Variants in CD47 observed in about 807,000 individuals in gnomAD.
The protein encoded by CD47 is CD47 molecule.
CD47 carries 11 observed loss-of-function variants against 44.6 expected under a neutral mutation model. The observed-to-expected ratio is 0.25, with a 90% CI of 0.16 to 0.41. The LOEUF (loss-of-function observed/expected upper bound fraction) is 0.41. CD47 is among the 10% of genes least tolerant of loss of function. The probability of loss-of-function intolerance (pLI) is 1.00; values close to 1 mark genes in which losing one functional copy is unlikely to be tolerated. For missense variants in CD47, 306 were observed against 386.7 expected, an observed-to-expected ratio of 0.79 and a Z score of 1.75; for synonymous variants, 140 against 136.3, an observed-to-expected ratio of 1.03 and a Z score of -0.19.
chr3:108,077,926 A>G (rs903342611), intron 2 of CD47, among the ~76,000 whole-genome samples: 2 of 152,098 alleles, frequency 1.3e-5, no homozygotes, highest in Non-Finnish European at 2.9e-5. Context: ...ATGACTAGTA[A>G]GAATAAGCAT....
chr3:108,089,733 C>T lies in CD47; in HGVS notation c.46+1130G>A, dbSNP rs775686316. On this transcript the variant is annotated intron_variant, in intron 1 of 10. Transcript: ENST00000361309. Reference sequence around the variant, plus strand: ...GAGACTTAAGGGCATCTTGGAAATACCTAAAGTCACAAGCCTTTAGGAACG... The same window carrying T: ...GAGACTTAAGGGCATCTTGGAAATATCTAAAGTCACAAGCCTTTAGGAACG... Among the ~76,000 whole-genome samples, 25 of 152,184 alleles carry T rather than the reference C, an allele frequency of 1.6e-4. No individual in the cohort carries two copies. The Middle Eastern group carries it at 0.014, about 83-fold the overall frequency.
intron 7 of CD47, chr3:108,055,421 G>A: frequency 1.6e-6 from 1 of 633,042 alleles, no homozygotes; most frequent in South Asian, 1.8e-5. Flanking sequence ...CAACCTTAAT[G>A]TTACATAGAT....
intron 1 of CD47, among the ~76,000 whole-genome samples, chr3:108,083,008 T>C (rs2079446586): frequency 6.6e-6 from 1 of 151,888 alleles, no homozygotes; most frequent in Non-Finnish European, 1.5e-5. Flanking sequence ...TGATTTGGGG[T>C]TTTTTCCTTT....
At chr3:108,086,185 T>C (rs1233190881) in intron 1 of CD47, among the ~76,000 whole-genome samples, 2 of 151,920 alleles carry the variant, frequency 1.3e-5, no homozygotes, top group Admixed American at 6.6e-5. Context: ...CTAAAGGGCT[T>C]CCTTGAATGT....
intron 2 of CD47, among the ~76,000 whole-genome samples, chr3:108,078,392 T>C (rs1213567643): frequency 6.6e-6 from 1 of 152,034 alleles, no homozygotes; most frequent in East Asian, 1.9e-4. Flanking sequence ...CATCTTCATT[T>C]CATCTTCTGG....
At chr3:108,078,146 A>G (rs1383805004) in intron 2 of CD47, among the ~76,000 whole-genome samples, 6 of 152,108 alleles carry the variant, frequency 3.9e-5, no homozygotes, top group Non-Finnish European at 8.8e-5. Context: ...ATCGTCCTGT[A>G]AATCAATAAT....
At chr3:108,064,686 G>A (rs1160598201) in intron 3 of CD47, among the ~76,000 whole-genome samples, 1 of 152,122 alleles carries the variant, frequency 6.6e-6, no homozygotes, top group Non-Finnish European at 1.5e-5. Context: ...CCTGCCCAAA[G>A]ACATGACATT....
At chr3:108,090,688 G>A (rs1330706874) in intron 1 of CD47, among the ~76,000 whole-genome samples, 175 bp downstream of exon 1, 6 of 152,080 alleles carry the variant, frequency 3.9e-5, no homozygotes, top group South Asian at 2.1e-4. Context: ...AAGAAGGGGG[G>A]CGCCCGATTC....
Position 108,060,136 on chromosome 3 carries a change from C to T in CD47, c.599-592G>A, listed in dbSNP as rs549706041. Reference sequence around the variant, plus strand: ...AGACTTGGTTCCCACATTCATTCTACTTTCATGTCTTGGCCAATGAAGTTT... The same window carrying T: ...AGACTTGGTTCCCACATTCATTCTATTTTCATGTCTTGGCCAATGAAGTTT... On this transcript the variant is annotated intron_variant, in intron 4 of 10. Coordinates refer to ENST00000361309, the MANE Select transcript of CD47 (RefSeq NM_001777.4). Among the ~76,000 whole-genome samples, 11 of 152,358 alleles carry T rather than the reference C, an allele frequency of 7.2e-5. No individual in the cohort carries two copies. In the South Asian group the frequency reaches 1.9e-3, roughly 26 times the overall value.
chr3:108,068,756 A>C (rs546700016), intron 3 of CD47, among the ~76,000 whole-genome samples: 1 of 152,336 alleles, frequency 6.6e-6, no homozygotes, highest in East Asian at 1.9e-4. Context: ...TACTTTGCAC[A>C]GAACCTGTCA....
At chr3:108,068,674 A>T (rs2079145592) in intron 3 of CD47, among the ~76,000 whole-genome samples, 1 of 152,178 alleles carries the variant, frequency 6.6e-6, no homozygotes, top group Admixed American at 6.6e-5. Context: ...TCTTATCTAC[A>T]AAACGGGAAT....
intron 2 of CD47, among the ~76,000 whole-genome samples, chr3:108,079,567 TAAAAAAAAAAAAAAAA>T (rs71629342): frequency 3.8e-5 from 2 of 53,102 alleles, no homozygotes; most frequent in Non-Finnish European, 6.3e-5. Flanking sequence ...AGTGTAAGGT[TAAAAAAAAAAAAAAAA>T]AAAAAAAAAA....
Position 108,061,069 on chromosome 3 carries a change from C to T in CD47, c.491-217G>A, listed in dbSNP as rs531165695. On this transcript the variant is annotated intron_variant, in intron 3 of 10. Transcript: ENST00000361309. ...ATGGATGGTGAATTTATAGGTGACA[C>T]CTTATTTTCCTACACTAACAAATGA... Among the ~76,000 whole-genome samples, 35 of 151,268 alleles carry T rather than the reference C, an allele frequency of 2.3e-4. No homozygotes were observed. In the South Asian group the frequency reaches 4.2e-3, roughly 18 times the overall value.
At chr3:108,065,479 C>A (rs553918226) in intron 3 of CD47, among the ~76,000 whole-genome samples, 1 of 152,022 alleles carries the variant, frequency 6.6e-6, no homozygotes, top group Non-Finnish European at 1.5e-5. Context: ...ATGGACAGGA[C>A]CAAGGGAAAG....
At chr3:108,086,767 T>C (rs528963171) in intron 1 of CD47, among the ~76,000 whole-genome samples, 1 of 152,184 alleles carries the variant, frequency 6.6e-6, no homozygotes, top group Non-Finnish European at 1.5e-5. Context: ...TGGGGTAAAA[T>C]TTGATCATGT....
In CD47 at chr3:108,087,171, C is replaced by G. The variant is rs1202300203; in HGVS notation, c.46+3692G>C. 2.6e-5 allele frequency among the ~76,000 whole-genome samples: 4 copies of G among 152,118 alleles called. No homozygotes were observed. The South Asian group carries it at 8.3e-4, about 32-fold the overall frequency. ...GACACATGCCAGAAAGCAATCCTACCTACTTTTGCCCCTTAGAACTAGTGT... is the reference window on the plus strand; with the variant it reads ...GACACATGCCAGAAAGCAATCCTACGTACTTTTGCCCCTTAGAACTAGTGT... On this transcript the variant is annotated intron_variant, in intron 1 of 10. Transcript: ENST00000361309.
intron 3 of CD47, among the ~76,000 whole-genome samples, chr3:108,067,394 G>A (rs2079121732): frequency 6.6e-6 from 1 of 152,220 alleles, no homozygotes. Flanking sequence ...GGCAAAGAAA[G>A]AACAGATAGG....
Position 108,043,708 on chromosome 3 carries a change from G to C in CD47, c.*3580C>G, listed in dbSNP as rs1006721054. 1 of 152,578 alleles carries C rather than the reference G, an allele frequency of 6.6e-6. No individual in the cohort carries two copies. Among genetic ancestry groups the C allele is most frequent in the Non-Finnish European group, 1.5e-5 (1 of 68,020 alleles). The allele number at this position is 152,578 out of a possible 1,614,324, so 9.5% of individuals were successfully genotyped here. A position where few individuals can be genotyped will look rare whatever the true frequency, so the allele number is the denominator to read the frequency against. On this transcript the variant is annotated 3_prime_UTR_variant, in exon 11 of 11. Transcript: ENST00000361309. Reference sequence around the variant, plus strand: ...AACAAAATGTTTTCTTCTCTCACCAGTCATGATAACAACACTTTTAAGATT... The same window carrying C: ...AACAAAATGTTTTCTTCTCTCACCACTCATGATAACAACACTTTTAAGATT...
rs917370316 is a variant in CD47 at position 108,048,605 on chromosome 3, C to T, written c.967+1014G>A. On this transcript the variant is annotated intron_variant, in intron 10 of 10. Coordinates refer to ENST00000361309, the MANE Select transcript of CD47 (RefSeq NM_001777.4). ...TTCACCGTGTTAGCCAGGATGGTCT[C>T]GATCTCCTGACCTTGTGATCCGCCC... is the stretch of plus-strand genomic sequence containing the variant. Among the ~76,000 whole-genome samples, 60 of 151,894 alleles carry T rather than the reference C, an allele frequency of 4.0e-4. 1 individual carries two copies. The highest frequency in any genetic ancestry group is 2.4e-3 in the Admixed American group (37 of 15,266).
Sources: allele counts gnomAD v4.1 joint callset (sites outside exome capture counted in the v4.1 genomes callset), GRCh38; gene constraint gnomAD v4.1.1; transcripts MANE v1.5; gene names NCBI Gene and HGNC (gene_info 2026-07-23, HGNC 2026-07-21).